The following EEF1AKMT1 variants were observed in gnomAD, a reference collection of about 807,000 sequenced individuals.
EEF1AKMT1 encodes EEF1A lysine methyltransferase 1, also known as N-6 adenine-specific DNA methyltransferase 2 (putative).
In EEF1AKMT1, 18 loss-of-function variants were observed where a neutral mutation model predicts 21.0. The observed-to-expected ratio is 0.86, with a 90% confidence interval of 0.59 to 1.27. The LOEUF is 1.27. Ranked by LOEUF, EEF1AKMT1 falls within the 50% of genes most tolerant of loss-of-function variation. The probability of loss-of-function intolerance (pLI) is 0.00; values close to 1 mark genes in which losing one functional copy is unlikely to be tolerated. For missense variants in EEF1AKMT1, 246 were observed against 258.6 expected, an observed-to-expected ratio of 0.95 and a Z score of 0.33; for synonymous variants, 109 against 94.8, an observed-to-expected ratio of 1.15 and a Z score of -0.87.
intron 1 of EEF1AKMT1, 41 bp from the exon 2 acceptor site, chr13:20,757,658 C>A (rs1314022882): frequency 1.3e-6 from 2 of 1,491,244 alleles, no homozygotes; most frequent in African/African-American, 1.4e-5. Context: ...GATTTTGTTT[C>A]CCCTTCCCAG....
chr13:20,757,844 T>C (rs1465807049), intron 1 of EEF1AKMT1, among the ~76,000 whole-genome samples: 1 of 152,196 alleles, frequency 6.6e-6, no homozygotes, highest in Non-Finnish European at 1.5e-5. Flanking sequence ...TGTCTCATTA[T>C]ACTCTCCTTC....
At chr13:20,760,885 AT>A (rs1444525122) in intron 1 of EEF1AKMT1, among the ~76,000 whole-genome samples, 2 of 152,144 alleles carry the variant, frequency 1.3e-5, no homozygotes, top group African/African-American at 4.8e-5. Context: ...AAATATTTCT[AT>A]TTTTCTACAC....
intron 4 of EEF1AKMT1, among the ~76,000 whole-genome samples, chr13:20,730,804 G>T (rs1190545129): frequency 6.6e-6 from 1 of 152,196 alleles, no homozygotes; most frequent in Admixed American, 6.5e-5. Flanking sequence ...GGACAAACGA[G>T]GGAATAAAAG....
At chr13:20,759,859 C>A (rs984560851) in intron 1 of EEF1AKMT1, among the ~76,000 whole-genome samples, 20 of 152,180 alleles carry the variant, frequency 1.3e-4, no homozygotes, top group African/African-American at 4.6e-4. Flanking sequence ...AATCCCAGCA[C>A]TTTGGGAGGC....
chr13:20,752,033 G>GT (rs2058944187), intron 2 of EEF1AKMT1, among the ~76,000 whole-genome samples: 1 of 152,200 alleles, frequency 6.6e-6, no homozygotes, highest in South Asian at 2.1e-4. Context: ...AGATCTAAAA[G>GT]TTTTTTCCTG....
At chr13:20,731,787 G>A (rs910366241) in intron 4 of EEF1AKMT1, 54 bp downstream of exon 4, 5 of 1,549,440 alleles carry the variant, frequency 3.2e-6, no homozygotes, top group African/African-American at 1.4e-5. Flanking sequence ...TGACCCTGAA[G>A]ACCTGAATAG....
At position 20,730,018 on chromosome 13, in the gene EEF1AKMT1, C is replaced by G. The variant is rs912101023; in HGVS notation, c.509-802G>C. 2.6e-5 allele frequency among the ~76,000 whole-genome samples: 4 copies of G among 152,268 alleles called. No homozygotes were observed. In the South Asian group the frequency reaches 8.3e-4, roughly 31 times the overall value. ...CTGTTAGGCACTGGGGGCCTCCTGC[C>G]CCGACTCTGCCCTCCCGGGCCGCTG... On this transcript the variant is annotated intron_variant, in intron 4 of 4. Transcript: ENST00000382758.
At chr13:20,751,437 T>C (rs2058939388) in intron 2 of EEF1AKMT1, among the ~76,000 whole-genome samples, 2 of 152,092 alleles carry the variant, frequency 1.3e-5, no homozygotes, top group South Asian at 4.1e-4. Context: ...TCCTTTCCCC[T>C]TGGCACCTTT....
At chr13:20,767,305 CA>C (rs61703956) in intron 1 of EEF1AKMT1, among the ~76,000 whole-genome samples, 587 of 40,350 alleles carry the variant, frequency 0.015, 2 homozygotes, top group African/African-American at 0.033. Flanking sequence ...GATTCTGTCT[CA>C]AAAAAAAAAA....
chr13:20,761,549 C>G (rs1196731071), intron 1 of EEF1AKMT1, among the ~76,000 whole-genome samples: 1 of 152,114 alleles, frequency 6.6e-6, no homozygotes, highest in Non-Finnish European at 1.5e-5. Context: ...TAGGAATTTT[C>G]ATTTTCATTT....
intron 2 of EEF1AKMT1, among the ~76,000 whole-genome samples, chr13:20,755,307 G>A (rs1019304966): frequency 1.3e-5 from 2 of 152,218 alleles, no homozygotes; most frequent in Non-Finnish European, 2.9e-5. Flanking sequence ...ATGGCAGGAT[G>A]CAGTCTTGTG....
intron 1 of EEF1AKMT1, among the ~76,000 whole-genome samples, chr13:20,760,691 AAT>A (rs10615669): frequency 0.12 from 17,824 of 152,188 alleles, 1,633 homozygotes; most frequent in East Asian, 0.44. Flanking sequence ...TTAAAAATAA[AAT>A]ATGTTTTAAA....
chr13:20,771,782 G>A (rs749937515), intron 1 of EEF1AKMT1, among the ~76,000 whole-genome samples: 3 of 152,106 alleles, frequency 2.0e-5, no homozygotes, highest in Non-Finnish European at 2.9e-5. Context: ...AGATCGAGGC[G>A]GGCAGATCAC....
chr13:20,729,383 A>G (rs952934595), intron 4 of EEF1AKMT1, among the ~76,000 whole-genome samples, 167 bp from the exon 5 acceptor site: 4 of 151,930 alleles, frequency 2.6e-5, no homozygotes, highest in African/African-American at 9.7e-5. Context: ...CACCTTCTCC[A>G]ATATTTTTGC....
At chr13:20,738,557 A>C (rs1363188231) in intron 2 of EEF1AKMT1, among the ~76,000 whole-genome samples, 3 of 152,208 alleles carry the variant, frequency 2.0e-5, no homozygotes, top group Non-Finnish European at 2.9e-5. Context: ...TCTCTGCTTT[A>C]AAAATCTGCC....
At chr13:20,748,726 G>GTTTTTTTTTTTTTTTTTTTTTTTTT (rs750094631) in intron 2 of EEF1AKMT1, among the ~76,000 whole-genome samples, 2 of 72,614 alleles carry the variant, frequency 2.8e-5, no homozygotes, top group Non-Finnish European at 2.2e-5. Flanking sequence ...TTTTTTTTTG[G>GTTTTTTTTTTTTTTTTTTTTTTTTT]TTTTTTTTTT....
rs188431550 is a variant in EEF1AKMT1 at position 20,743,121 on chromosome 13, C to T, written c.145-5316G>A. On this transcript the variant is annotated intron_variant, in intron 2 of 4. Coordinates refer to ENST00000382758, the MANE Select transcript of EEF1AKMT1 (RefSeq NM_001318939.2). ...TCACTCTGTTGCCCAGCCTGGAGTG[C>T]AGTGGCGCAATCTCAGCTCACTACA... 3.9e-5 allele frequency among the ~76,000 whole-genome samples: 6 copies of T among 152,180 alleles called. No individual in the cohort carries two copies. The East Asian group carries it at 1.2e-3, about 29-fold the overall frequency.
At chr13:20,741,354 T>C (rs762450933) in intron 2 of EEF1AKMT1, among the ~76,000 whole-genome samples, 2 of 152,086 alleles carry the variant, frequency 1.3e-5, no homozygotes, top group East Asian at 1.9e-4. Context: ...TGCTGTTCCA[T>C]AGACCATCTT....
rs569190070 is a variant in EEF1AKMT1, at chr13:20,734,534, C to T, written c.228-2413G>A. ...CGCACTTACAACAGGAGAGGGCACA[C>T]AGTAAGCACTCAATAAATGCGGTTC... On this transcript the variant is annotated intron_variant, in intron 3 of 4. Coordinates refer to ENST00000382758, the MANE Select transcript of EEF1AKMT1 (RefSeq NM_001318939.2). 2.6e-5 allele frequency among the ~76,000 whole-genome samples: 4 copies of T among 152,300 alleles called. No homozygotes were observed. In the East Asian group the frequency reaches 7.7e-4, roughly 29 times the overall value.
Sources: gnomAD v4.1 joint callset for allele counts (sites outside exome capture counted in the v4.1 genomes callset) on GRCh38, gnomAD v4.1.1 for gene constraint, MANE v1.5 for transcripts, NCBI Gene and HGNC (gene_info 2026-07-23, HGNC 2026-07-21) for gene names.